Variants in MAF observed in about 807,000 individuals in gnomAD.
MAF encodes the protein MAF bZIP transcription factor.
Under a neutral mutation model 22.0 loss-of-function variants are expected in MAF, and 10 were observed. That is an observed-to-expected ratio of 0.45 (90% CI 0.28 to 0.77). The LOEUF (loss-of-function observed/expected upper bound fraction) is 0.77. Among genes scored for constraint, MAF ranks in the 30% least tolerant of loss-of-function variants. MAF has a pLI of 0.12. For synonymous variants in MAF, 337 were observed against 255.8 expected, an observed-to-expected ratio of 1.32 and a Z score of -3.03; for missense variants, 544 against 548.4, an observed-to-expected ratio of 0.99 and a Z score of 0.08.
chr16:79,354,403 C>T, the MAF span, among the ~76,000 whole-genome samples: 2 of 152,100 alleles, frequency 1.3e-5, no homozygotes, highest in East Asian at 3.9e-4. Flanking sequence ...GTCTGCAATT[C>T]ACCATTATGT....
the MAF span, among the ~76,000 whole-genome samples, chr16:79,432,237 G>A: frequency 6.6e-6 from 1 of 152,140 alleles, no homozygotes; most frequent in Non-Finnish European, 1.5e-5. Context: ...GCCGCCCTGT[G>A]AAGAGGTACC....
the MAF span, among the ~76,000 whole-genome samples, chr16:79,323,367 G>A: frequency 6.6e-6 from 1 of 151,868 alleles, no homozygotes; most frequent in Admixed American, 6.6e-5. Flanking sequence ...CTGGAAAGGA[G>A]TAGGTTGGAA....
At chr16:79,390,360 G>A in the MAF span, among the ~76,000 whole-genome samples, 1 of 152,122 alleles carries the variant, frequency 6.6e-6, no homozygotes, top group Non-Finnish European at 1.5e-5. Flanking sequence ...AATCACTCCT[G>A]CCAAAGCTTG....
the MAF span, among the ~76,000 whole-genome samples, chr16:79,387,289 A>G: frequency 6.6e-6 from 1 of 152,220 alleles, no homozygotes; most frequent in Non-Finnish European, 1.5e-5. Context: ...AACCTTCTCC[A>G]TAAGCATGTC....
At chr16:79,412,020 C>T in the MAF span, among the ~76,000 whole-genome samples, 3 of 152,166 alleles carry the variant, frequency 2.0e-5, no homozygotes, top group Non-Finnish European at 2.9e-5. Flanking sequence ...TTGTGCGACA[C>T]CTTGCTTCCC....
the MAF span, among the ~76,000 whole-genome samples, chr16:79,571,263 T>G: frequency 5.5e-3 from 832 of 152,244 alleles, 2 homozygotes; most frequent in Non-Finnish European, 9.4e-3. Flanking sequence ...GTCTAAGAAC[T>G]TGAAGAATCA....
the MAF span, among the ~76,000 whole-genome samples, chr16:79,246,802 G>C: frequency 6.6e-6 from 1 of 152,004 alleles, no homozygotes; most frequent in East Asian, 1.9e-4. Context: ...GGTCACTCCA[G>C]TTGGAAATTG....
chr16:79,587,392 T>A (rs1429614672), intron 1 of MAF, among the ~76,000 whole-genome samples: 2 of 151,954 alleles, frequency 1.3e-5, no homozygotes, highest in African/African-American at 4.8e-5. Context: ...TTCAGATGGC[T>A]AATCTCTTTA....
chr16:79,261,013 A>G, the MAF span, among the ~76,000 whole-genome samples: 1 of 152,106 alleles, frequency 6.6e-6, no homozygotes, highest in Non-Finnish European at 1.5e-5. Flanking sequence ...CATTGGTCCA[A>G]GGCAGAGGAA....
chr16:79,379,793 G>T, the MAF span, among the ~76,000 whole-genome samples: 1 of 152,088 alleles, frequency 6.6e-6, no homozygotes, highest in East Asian at 1.9e-4. Flanking sequence ...ATAGCTCAAG[G>T]CCAGCTGCTC....
the MAF span, among the ~76,000 whole-genome samples, chr16:79,281,198 A>G: frequency 6.7e-6 from 1 of 148,688 alleles, no homozygotes; most frequent in East Asian, 2.0e-4. Context: ...GTTTTTGCAC[A>G]TACATTTAAC....
At chr16:79,305,528 G>T in the MAF span, among the ~76,000 whole-genome samples, 1 of 152,180 alleles carries the variant, frequency 6.6e-6, no homozygotes, top group African/African-American at 2.4e-5. Flanking sequence ...GGTCTGCAAG[G>T]TGGATGGGAA....
chr16:79,466,683 G>A, the MAF span, among the ~76,000 whole-genome samples: 1 of 152,202 alleles, frequency 6.6e-6, no homozygotes, highest in Non-Finnish European at 1.5e-5. Flanking sequence ...ATGCTTGACA[G>A]CAAAAACCTT....
the MAF span, chr16:79,211,747 C>T: frequency 1.3e-4 from 210 of 1,614,178 alleles, no homozygotes; most frequent in African/African-American, 7.6e-4. Context: ...ACCCTGTGGG[C>T]GCTCAGCGAG....
At chr16:79,404,709 A>G in the MAF span, among the ~76,000 whole-genome samples, 1 of 151,998 alleles carries the variant, frequency 6.6e-6, no homozygotes, top group African/African-American at 2.4e-5. Context: ...TCCCCAGTGG[A>G]TGACAGCCAT....
At chr16:79,592,296 A>T (rs1242359464), downstream of MAF, among the ~76,000 whole-genome samples, 2 of 152,134 alleles carry the variant, frequency 1.3e-5, no homozygotes, top group African/African-American at 2.4e-5. Context: ...CAATCATGAG[A>T]CAGCCTGGGA....
chr16:79,269,459 G>A, the MAF span, among the ~76,000 whole-genome samples: 2 of 152,114 alleles, frequency 1.3e-5, no homozygotes, highest in Non-Finnish European at 2.9e-5. Context: ...AGGTATGGGT[G>A]GGTGTGGACA....
At chr16:79,245,358 A>C in the MAF span, among the ~76,000 whole-genome samples, 1 of 152,052 alleles carries the variant, frequency 6.6e-6, no homozygotes, top group Non-Finnish European at 1.5e-5. Context: ...AGATAACTTA[A>C]ATTTACAAGA....
the MAF span, among the ~76,000 whole-genome samples, chr16:79,326,378 G>A: frequency 6.6e-6 from 1 of 152,000 alleles, no homozygotes; most frequent in African/African-American, 2.4e-5. Flanking sequence ...TGATGAACAG[G>A]GTTCTACCCC....
Sources: allele counts gnomAD v4.1 joint callset (sites outside exome capture counted in the v4.1 genomes callset), GRCh38; gene constraint gnomAD v4.1.1; transcripts MANE v1.5; gene names NCBI Gene and HGNC (gene_info 2026-07-23, HGNC 2026-07-21).